Variants in IQCM observed in about 807,000 individuals in gnomAD.
IQCM encodes IQ motif containing M.
IQCM carries 45 observed loss-of-function variants against 57.6 expected under a neutral mutation model. The observed-to-expected ratio is 0.78, with a 90% confidence interval of 0.62 to 1.00. The LOEUF is 1.00. Ranked by LOEUF, IQCM falls within the 50% of genes least tolerant of loss-of-function variation. The pLI is 0.00. For missense variants in IQCM, 468 were observed against 511.6 expected, an observed-to-expected ratio of 0.91 and a Z score of 0.82; for synonymous variants, 148 against 158.9, an observed-to-expected ratio of 0.93 and a Z score of 0.51.
At chr4:149,440,696 T>G (rs1187194670) in intron 12 of IQCM, among the ~76,000 whole-genome samples, 1 of 152,070 alleles carries the variant, frequency 6.6e-6, no homozygotes, top group East Asian at 1.9e-4. Context: ...TTCAAACAAG[T>G]GAGAATTTTT....
intron 13 of IQCM, among the ~76,000 whole-genome samples, chr4:149,358,880 A>ATATACTCTCAT: frequency 0.013 from 1,917 of 149,286 alleles, 7 homozygotes; most frequent in African/African-American, 0.018. Context: ...GTATATCATG[A>ATATACTCTCAT]GACCACAGTG....
chr4:149,472,593 A>C (rs1460530100), intron 12 of IQCM, among the ~76,000 whole-genome samples: 2 of 152,164 alleles, frequency 1.3e-5, no homozygotes, highest in African/African-American at 4.8e-5. Flanking sequence ...GCTACCAATG[A>C]CTTTCTTCAC....
chr4:149,615,328 G>T (rs1267226318), intron 8 of IQCM, among the ~76,000 whole-genome samples: 1 of 152,028 alleles, frequency 6.6e-6, no homozygotes, highest in Non-Finnish European at 1.5e-5. Context: ...TACATTCCAG[G>T]TCTCACTCAC....
Position 149,472,805 on chromosome 4 carries a change from A to G in IQCM, c.1229-39248T>C, listed in dbSNP as rs554149231. Among the ~76,000 whole-genome samples, 124 of 152,242 alleles carry G rather than the reference A, an allele frequency of 8.1e-4. 1 individual carries two copies. The highest frequency in any genetic ancestry group is 1.6e-3 in the Non-Finnish European group (110 of 68,040). On this transcript the variant is annotated intron_variant, in intron 12 of 13. Coordinates refer to ENST00000636793, the MANE Select transcript of IQCM (RefSeq NM_001363507.2). ...ATCAATGGAACAGAATAGAGCCCTC[A>G]GAAATAATACCACACATCTACAATG...
intron 2 of IQCM, 47 bp downstream of exon 2, chr4:149,815,264 G>T (rs530276492): frequency 6.6e-6 from 1 of 151,990 alleles, no homozygotes; most frequent in East Asian, 1.9e-4. Flanking sequence ...TGACCAAGGG[G>T]CCTGAATTGT....
At chr4:149,581,064 T>C (rs1213702988) in intron 9 of IQCM, among the ~76,000 whole-genome samples, 1 of 151,606 alleles carries the variant, frequency 6.6e-6, no homozygotes, top group Non-Finnish European at 1.5e-5. Flanking sequence ...TGTTAGAAGA[T>C]GATGTGTGCC....
rs548042642 is a variant in IQCM, at chr4:149,560,306, T to C, written c.948+3386A>G. Among the ~76,000 whole-genome samples the C allele has an allele frequency of 4.9e-4, 74 of 152,350 alleles. 1 individual carries two copies. The South Asian group carries it at 0.015, about 32-fold the overall frequency. The stretch of plus-strand genomic sequence containing the variant: ...AGATTCTCCAGGGCTGTTCCAAATT[T>C]ATTGATTCAACAAATATTTATTAAA... On this transcript the variant is annotated intron_variant, in intron 10 of 13. Coordinates refer to ENST00000636793, the MANE Select transcript of IQCM (RefSeq NM_001363507.2).
chr4:149,800,242 A>G (rs1773484310), intron 2 of IQCM, among the ~76,000 whole-genome samples: 1 of 152,006 alleles, frequency 6.6e-6, no homozygotes, highest in Non-Finnish European at 1.5e-5. Context: ...TAATGAATAA[A>G]AACCAAATGA....
At chr4:149,437,463 A>G (rs1735476710) in intron 12 of IQCM, among the ~76,000 whole-genome samples, 1 of 151,978 alleles carries the variant, frequency 6.6e-6, no homozygotes, top group African/African-American at 2.4e-5. Context: ...AAATCCCACA[A>G]TATGAACTCT....
chr4:149,801,752 T>C (rs535883217), intron 2 of IQCM, among the ~76,000 whole-genome samples: 62 of 151,868 alleles, frequency 4.1e-4, no homozygotes, highest in African/African-American at 1.4e-3. Context: ...AGAAGAGTAG[T>C]GGAGGACTGG....
At chr4:149,812,507 C>CACACACAG (rs1554045620) in intron 2 of IQCM, among the ~76,000 whole-genome samples, 23 of 126,882 alleles carry the variant, frequency 1.8e-4, no homozygotes, top group African/African-American at 6.6e-4. Flanking sequence ...CACACAGACA[C>CACACACAG]ACACACACAC....
chr4:149,534,698 TCTC>T (rs1219993027), intron 12 of IQCM, among the ~76,000 whole-genome samples: 2 of 152,082 alleles, frequency 1.3e-5, no homozygotes, highest in Non-Finnish European at 2.9e-5. Flanking sequence ...TCCATAAACA[TCTC>T]CTTTTATAAG....
intron 12 of IQCM, among the ~76,000 whole-genome samples, chr4:149,465,934 G>A (rs1340428131): frequency 2.0e-5 from 3 of 152,036 alleles, no homozygotes; most frequent in African/African-American, 7.2e-5. Flanking sequence ...CACTGCAGAG[G>A]TGGCAGGGTG....
At chr4:149,703,834 C>T (rs1268372677) in intron 5 of IQCM, among the ~76,000 whole-genome samples, 2 of 151,818 alleles carry the variant, frequency 1.3e-5, no homozygotes, top group Non-Finnish European at 2.9e-5. Context: ...GAGACAGTTT[C>T]CCCAAAAACT....
intron 3 of IQCM, among the ~76,000 whole-genome samples, chr4:149,736,158 G>A (rs1018736798): frequency 6.6e-6 from 1 of 152,042 alleles, no homozygotes; most frequent in African/African-American, 2.4e-5. Flanking sequence ...ATGCTGCCCA[G>A]GCTGGTCTCG....
At chr4:149,427,950 A>T (rs896281314) in intron 13 of IQCM, among the ~76,000 whole-genome samples, 1 of 151,928 alleles carries the variant, frequency 6.6e-6, no homozygotes, top group Non-Finnish European at 1.5e-5. Context: ...ATTCATCTCG[A>T]GCAAGCAGAT....
At chr4:149,493,669 C>T (rs1258046036) in intron 12 of IQCM, among the ~76,000 whole-genome samples, 1 of 151,886 alleles carries the variant, frequency 6.6e-6, no homozygotes, top group Non-Finnish European at 1.5e-5. Context: ...GTACTTTTAC[C>T]CTTAGGTGAC....
At chr4:149,382,601 G>C (rs1560790294) in intron 13 of IQCM, among the ~76,000 whole-genome samples, 1 of 151,282 alleles carries the variant, frequency 6.6e-6, no homozygotes, top group African/African-American at 2.4e-5. Context: ...TTTTCCTGCA[G>C]AACTTAGATA....
At chr4:149,563,671 A>C in intron 10 of IQCM, 21 bp downstream of exon 10, 2 of 1,221,610 alleles carry the variant, frequency 1.6e-6, no homozygotes, top group Non-Finnish European at 2.0e-6. Context: ...AACACATTAT[A>C]ATATCTGATG....
Sources: allele counts gnomAD v4.1 joint callset (sites outside exome capture counted in the v4.1 genomes callset), GRCh38; gene constraint gnomAD v4.1.1; transcripts MANE v1.5; gene names NCBI Gene and HGNC (gene_info 2026-07-23, HGNC 2026-07-21).